SMC5: variants seen among roughly 807,000 people sequenced by gnomAD.
SMC5 encodes the protein structural maintenance of chromosomes protein 5.
SMC5 carries 88 observed loss-of-function variants against 148.3 expected under a neutral mutation model. That is an observed-to-expected ratio of 0.59 (90% CI 0.50 to 0.71). The LOEUF is 0.71. Ranked by LOEUF, SMC5 falls within the 30% of genes least tolerant of loss-of-function variation. The probability of loss-of-function intolerance (pLI) is 0.00; values close to 1 mark genes in which losing one functional copy is unlikely to be tolerated. For missense variants in SMC5, 1,142 were observed against 1,298.9 expected, an observed-to-expected ratio of 0.88 and a Z score of 1.86; for synonymous variants, 421 against 432.8, an observed-to-expected ratio of 0.97 and a Z score of 0.34.
intron 3 of SMC5, among the ~76,000 whole-genome samples, chr9:70,271,929 G>C (rs988532047): frequency 3.9e-5 from 6 of 152,212 alleles, no homozygotes; most frequent in Non-Finnish European, 8.8e-5. Flanking sequence ...TCATTGTAAG[G>C]AGTTGGCATT....
At chr9:70,277,578 A>G in intron 4 of SMC5, 106 bp downstream of exon 4, 2 of 811,920 alleles carry the variant, frequency 2.5e-6, no homozygotes, top group Non-Finnish European at 3.5e-6. Flanking sequence ...TGAACATAGC[A>G]CTCTTACAGT....
chr9:70,283,483 A>G (rs1459293597), intron 7 of SMC5, among the ~76,000 whole-genome samples: 12 of 152,296 alleles, frequency 7.9e-5, no homozygotes. Flanking sequence ...TGTATATAAT[A>G]ATAAAAATTT....
intron 10 of SMC5, among the ~76,000 whole-genome samples, chr9:70,302,828 T>G (rs1388029728): frequency 1.3e-5 from 2 of 152,224 alleles, no homozygotes; most frequent in Non-Finnish European, 2.9e-5. Context: ...TGTGACTTCC[T>G]TGAGTCTTCC....
chr9:70,305,830 A>G (rs970582897), intron 11 of SMC5, among the ~76,000 whole-genome samples: 1 of 152,196 alleles, frequency 6.6e-6, no homozygotes, highest in African/African-American at 2.4e-5. Flanking sequence ...AGCCACCGAA[A>G]GACAGTAAAG....
At chr9:70,283,388 G>A (rs540537268) in intron 7 of SMC5, among the ~76,000 whole-genome samples, 6 of 152,090 alleles carry the variant, frequency 3.9e-5, no homozygotes, top group African/African-American at 1.2e-4. Context: ...GATCACTTGC[G>A]CCTACGAGGC....
At chr9:70,329,162 A>G (rs1207110021) in intron 17 of SMC5, among the ~76,000 whole-genome samples, 2 of 152,032 alleles carry the variant, frequency 1.3e-5, no homozygotes, top group Non-Finnish European at 2.9e-5. Context: ...CATTTTCCCC[A>G]TTGTCTTGGC....
intron 11 of SMC5, among the ~76,000 whole-genome samples, chr9:70,306,258 A>G (rs1263919832): frequency 2.6e-5 from 4 of 152,120 alleles, no homozygotes. Flanking sequence ...TGTTTAAAGA[A>G]TTTTTTTAAT....
intron 17 of SMC5, among the ~76,000 whole-genome samples, chr9:70,339,516 T>C (rs2036460984): frequency 6.6e-6 from 1 of 152,222 alleles, no homozygotes; most frequent in African/African-American, 2.4e-5. Context: ...TTACCTACTC[T>C]TGTTTTCTTC....
intron 17 of SMC5, 127 bp from the exon 18 acceptor site, chr9:70,344,017 A>ACTCTTTT (rs1160456581): frequency 6.3e-5 from 34 of 539,478 alleles, no homozygotes; most frequent in Non-Finnish European, 9.6e-5. Flanking sequence ...TATTTAAGAA[A>ACTCTTTT]CAGTTTCAGA....
chr9:70,352,003 T>C (rs2036815496), intron 24 of SMC5, among the ~76,000 whole-genome samples, 188 bp from the exon 25 acceptor site: 1 of 152,026 alleles, frequency 6.6e-6, no homozygotes, highest in Admixed American at 6.6e-5. Flanking sequence ...ATCTCTTGAA[T>C]CTGGGTGGTG....
intron 8 of SMC5, among the ~76,000 whole-genome samples, chr9:70,287,389 A>T (rs2034934004): frequency 6.6e-6 from 1 of 152,118 alleles, no homozygotes; most frequent in African/African-American, 2.4e-5. Flanking sequence ...GGCTGATTAC[A>T]AATTTTTCGT....
chr9:70,294,971 T>G lies in SMC5; in HGVS notation c.1054-2995T>G, dbSNP rs117424798. Among the ~76,000 whole-genome samples, 907 of 152,080 alleles carry G rather than the reference T, an allele frequency of 6.0e-3. 9 individuals carry two copies. The highest frequency in any genetic ancestry group is 8.8e-3 in the Non-Finnish European group (596 of 67,986). ...TTAACATAGCAACAAGGGTAATGAG[T>G]GACAAAGTCTGACCCCAAGATCTTC... On this transcript the variant is annotated intron_variant, in intron 8 of 24. Transcript: ENST00000361138.
intron 17 of SMC5, among the ~76,000 whole-genome samples, chr9:70,337,561 T>G (rs1435866312): frequency 6.6e-6 from 1 of 151,530 alleles, no homozygotes; most frequent in Non-Finnish European, 1.5e-5. Context: ...GTTCAAGTGA[T>G]TCTCCTGCCT....
chr9:70,270,922 C>T (rs2034432493), intron 3 of SMC5, among the ~76,000 whole-genome samples: 1 of 152,156 alleles, frequency 6.6e-6, no homozygotes, highest in Non-Finnish European at 1.5e-5. Flanking sequence ...GCTGGGATTA[C>T]AGGTGTGAGC....
rs146163434 is a variant in SMC5, at chr9:70,341,607, C to A, written c.2398-2537C>A. On this transcript the variant is annotated intron_variant, in intron 17 of 24. Coordinates refer to ENST00000361138, the MANE Select transcript of SMC5 (RefSeq NM_015110.4). ...CAGTTTGGTCCAGTATCTATCCTTT[C>A]ACTTTTCATAACTATTGTCTTGGTT... 1.6e-3 allele frequency among the ~76,000 whole-genome samples: 243 copies of A among 152,304 alleles called. 1 individual carries two copies. Among genetic ancestry groups the A allele is most frequent in the African/African-American group, 5.6e-3 (232 of 41,568 alleles).
At chr9:70,265,862 A>G (rs1179976429) in intron 2 of SMC5, among the ~76,000 whole-genome samples, 2 of 152,226 alleles carry the variant, frequency 1.3e-5, no homozygotes, top group African/African-American at 4.8e-5. Context: ...GCTCCAAAAT[A>G]TATAGGCAAA....
intron 15 of SMC5, among the ~76,000 whole-genome samples, chr9:70,322,313 C>T (rs138860208): frequency 2.4e-4 from 37 of 152,258 alleles, no homozygotes; most frequent in Non-Finnish European, 5.0e-4. Flanking sequence ...GTATTGAACC[C>T]ATTGTCTAAA....
At chr9:70,267,882 A>T (rs2034335643) in intron 2 of SMC5, 41 bp from the exon 3 acceptor site, 3 of 1,533,100 alleles carry the variant, frequency 2.0e-6, no homozygotes, top group South Asian at 2.4e-5. Context: ...TTAACCTGGG[A>T]ATGTCACTAC....
intron 7 of SMC5, 137 bp downstream of exon 7, chr9:70,282,720 C>T: frequency 1.2e-6 from 1 of 837,412 alleles, no homozygotes; most frequent in Non-Finnish European, 1.8e-6. Flanking sequence ...AGGAATTCTG[C>T]CACCATAGGA....
Sources: gnomAD v4.1 joint callset for allele counts (sites outside exome capture counted in the v4.1 genomes callset) on GRCh38, gnomAD v4.1.1 for gene constraint, MANE v1.5 for transcripts, NCBI Gene and HGNC (gene_info 2026-07-23, HGNC 2026-07-21) for gene names.